The following NOTCH3 variants were observed in gnomAD, a reference collection of about 807,000 sequenced individuals.
NOTCH3 encodes neurogenic locus notch homolog protein 3.
A neutral mutation model predicts 213.3 loss-of-function variants in NOTCH3; 86 were observed. The observed-to-expected ratio is 0.40, with a 90% CI of 0.34 to 0.48. The LOEUF (loss-of-function observed/expected upper bound fraction) is 0.48. NOTCH3 is among the 20% of genes least tolerant of loss of function. The pLI is 0.57. For missense variants in NOTCH3, 2,783 were observed against 3,272.6 expected (o/e 0.85, Z 3.65); for synonymous variants, 1,354 against 1,355.9 (o/e 1.00, Z 0.03).
At position 15,186,941 on chromosome 19, in the gene NOTCH3, T is replaced by C. The variant is rs1297651218; in HGVS notation, c.1888A>G (p.Thr630Ala). ...ATGCCATCACGGCAGACTCCAAAGG[T>C]GCAGGGGTTGCTGGCACAGTCGTCA... ...NIDDCASNPCTFGVCRDGINR... is the reference protein window; with the variant it reads ...NIDDCASNPCAFGVCRDGINR... Residue 630 changes from threonine (T) to alanine (A), a missense_variant, in exon 12 of 33, where the codon ACC (threonine) becomes GCC (alanine). Coordinates refer to ENST00000263388, the MANE Select transcript of NOTCH3 (RefSeq NM_000435.3). 1.2e-6 allele frequency: 2 copies of C among 1,613,972 alleles called. No individual in the cohort carries two copies. The highest frequency in any genetic ancestry group is 2.7e-5 in the African/African-American group (2 of 74,874).
chr19:15,178,148 G>T, intron 23 of NOTCH3, 58 bp from the exon 24 acceptor site: 1 of 1,108,164 alleles, frequency 9.0e-7, no homozygotes, highest in Non-Finnish European at 1.3e-6. Flanking sequence ...TGGAGGGAAG[G>T]AGGAGAAGAA....
At chr19:15,197,711 G>GT in intron 1 of NOTCH3, 133 bp from the exon 2 acceptor site, 1 of 607,224 alleles carries the variant, frequency 1.6e-6, no homozygotes, top group Non-Finnish European at 2.8e-6. Flanking sequence ...GGTGCAGGGA[G>GT]TCCCCCCATC....
intron 5 of NOTCH3, 37 bp downstream of exon 5, chr19:15,191,708 G>T (rs368168586): frequency 1.9e-4 from 314 of 1,613,478 alleles, no homozygotes; most frequent in Non-Finnish European, 2.6e-4. Flanking sequence ...GTCCACCCGA[G>T]GCCTGCCTCC....
intron 25 of NOTCH3, among the ~76,000 whole-genome samples, chr19:15,172,059 A>G (rs1166927842): frequency 6.6e-6 from 1 of 151,936 alleles, no homozygotes. Flanking sequence ...ACCACGCCCC[A>G]GTAATTTTGT....
chr19:15,182,933 C>A (rs62113817), intron 16 of NOTCH3, among the ~76,000 whole-genome samples: 1 of 151,884 alleles, frequency 6.6e-6, no homozygotes, highest in East Asian at 1.9e-4. Flanking sequence ...TGAGCCACTG[C>A]GCCCAGCCGA....
chr19:15,167,328 G>T lies in NOTCH3; in HGVS notation c.5283C>A (p.Arg1761=). The T allele has an allele frequency of 6.2e-7, 1 of 1,613,182 alleles. No homozygotes were observed. Reference sequence around the variant, plus strand: ...GTGTCAGTGCCATGGCTGGTGCCACGCGGATGTCAGCAGCAACCAGATGGT... The same window carrying T: ...GTGTCAGTGCCATGGCTGGTGCCACTCGGATGTCAGCAGCAACCAGATGGT... The part of the protein sequence containing the change: ...TQHHLVAADI[R]VAPAMALTPP... The change falls in exon 29 of 33, where the codon CGC becomes CGA. Residue 1761 remains arginine (R), a synonymous_variant. Transcript: ENST00000263388.
At position 15,185,345 on chromosome 19, in the gene NOTCH3, G is replaced by C. The variant is rs538348817; in HGVS notation, c.2208C>G (p.Asp736Glu). 2 of 1,612,560 alleles carry C rather than the reference G, an allele frequency of 1.2e-6. No individual in the cohort carries two copies. Among genetic ancestry groups the C allele is most frequent in the Admixed American group, 1.7e-5 (1 of 59,958 alleles). Reference protein sequence around the residue: ...GPRCSQSLARDACESQPCRAG... With the variant: ...GPRCSQSLAREACESQPCRAG... ...CCCTGCACGGCTGGGACTCACAGGC[G>C]TCTCGGGCCAGGCTCTGGCTGCAGC... Residue 736 changes from aspartate to glutamate, a missense_variant, in exon 14 of 33, where the codon GAC becomes GAG. Around this residue, in one of 6 missense-constraint regions of NOTCH3, gnomAD observed 861 missense variants for 909.1 expected, o/e 0.95. Coordinates refer to ENST00000263388, the MANE Select transcript of NOTCH3 (RefSeq NM_000435.3). The surrounding 1 kb of genome is among the most constrained non-coding windows in gnomAD (Gnocchi z 4.2).
rs1456247012 is a variant in NOTCH3, at chr19:15,200,804, C to T, written c.102G>A (p.Ala34=). Residue 34 remains alanine, a synonymous_variant, in exon 1 of 33, where the codon GCG becomes GCA. Transcript: ENST00000263388. ...GCCCCTCACCTGCAGCCCCCGGCCCCGCTAGCAGCAGCAGCAGGGGCAGCG... is the reference window on the plus strand; with the variant it reads ...GCCCCTCACCTGCAGCCCCCGGCCCTGCTAGCAGCAGCAGCAGGGGCAGCG... ...VRALPLLLLL[A]GPGAAAPPCL... is the part of the protein sequence containing the mutation. The T allele has an allele frequency of 1.6e-6, 2 of 1,272,942 alleles. No homozygotes were observed. Among genetic ancestry groups the T allele is most frequent in the South Asian group, 2.8e-5 (1 of 35,496 alleles). 78.9% of individuals were successfully genotyped at this position (1,272,942 alleles called of 1,614,324 possible). A position where few individuals can be genotyped will look rare whatever the true frequency, so the allele number is the denominator to read the frequency against.
At chr19:15,194,036 C>T (rs1002184075) in intron 2 of NOTCH3, among the ~76,000 whole-genome samples, 12 of 150,730 alleles carry the variant, frequency 8.0e-5, no homozygotes, top group Non-Finnish European at 1.2e-4. Context: ...AAGCCGAGAT[C>T]GTGCCACTGC....
intron 2 of NOTCH3, among the ~76,000 whole-genome samples, chr19:15,193,025 C>G (rs1048102469): frequency 1.3e-5 from 2 of 152,120 alleles, no homozygotes; most frequent in African/African-American, 4.8e-5. Flanking sequence ...TGAAAGGGGT[C>G]CCTATCCCTC....
At chr19:15,187,395 A>G in intron 10 of NOTCH3, 57 bp from the exon 11 acceptor site, 1 of 1,507,776 alleles carries the variant, frequency 6.6e-7, no homozygotes. Flanking sequence ...CCCACAAGTG[A>G]GGCCTCGGAC....
At chr19:15,190,092 T>C (rs2046915921) in intron 6 of NOTCH3, among the ~76,000 whole-genome samples, 1 of 151,072 alleles carries the variant, frequency 6.6e-6, no homozygotes, top group Non-Finnish European at 1.5e-5. Flanking sequence ...CTGGGCAATA[T>C]AGTGAGACCC....
chr19:15,181,289 C>A, intron 17 of NOTCH3, 127 bp from the exon 18 acceptor site: 1 of 883,684 alleles, frequency 1.1e-6, no homozygotes, highest in South Asian at 1.5e-5. Flanking sequence ...CAAGAAGCTG[C>A]AGCCCCAGCA....
Position 15,162,552 on chromosome 19 carries a change from G to A in NOTCH3, c.5826C>T (p.Ala1942=). The A allele has an allele frequency of 6.2e-7, 1 of 1,613,932 alleles. No individual in the cohort carries two copies. Among genetic ancestry groups the A allele is most frequent in the East Asian group, 2.2e-5 (1 of 44,864 alleles). ...VNAVDELGKS[A]LHWAAAVNNV... The stretch of plus-strand genomic sequence containing the variant: ...TGTTCACAGCCGCAGCCCAGTGTAA[G>A]GCTGATTTCCCTGGAGGATGAAGGG... Residue 1942 remains alanine (A), a synonymous_variant, in exon 32 of 33, where the codon GCC becomes GCT. Transcript: ENST00000263388.
chr19:15,187,283 G>A lies in NOTCH3; in HGVS notation c.1662C>T (p.Cys554=), dbSNP rs772251287. 7 of 1,614,070 alleles carry A rather than the reference G, an allele frequency of 4.3e-6. No homozygotes were observed. In the South Asian group the frequency reaches 7.7e-5, roughly 18 times the overall value. Residue 554 remains cysteine (C), a synonymous_variant, in exon 11 of 33, where the codon TGC becomes TGT. Coordinates refer to ENST00000263388, the MANE Select transcript of NOTCH3 (RefSeq NM_000435.3). ...TGCCATCCACGCAGCGACCATGGTG[G>A]CATGGGTCAGGGGAGCAGTCGTCCA... ...RNVDDCSPDP[C]HHGRCVDGIA... is the part of the protein sequence containing the mutation.
rs748038251 is a variant in NOTCH3, at chr19:15,161,032, C to T, written c.6596G>A (p.Gly2199Glu). 1.3e-6 allele frequency: 2 copies of T among 1,539,330 alleles called. No individual in the cohort carries two copies. Among genetic ancestry groups the T allele is most frequent in the Non-Finnish European group, 8.7e-7 (1 of 1,144,452 alleles). Residue 2199 changes from glycine (G) to glutamate (E), a missense_variant, in exon 33 of 33, where the codon GGG (glycine) becomes GAG (glutamate). This residue lies in a region of NOTCH3 where 441 missense variants were observed against 432.1 expected (regional missense o/e 1.02). Transcript: ENST00000263388. ...LAPGPQLLNP[G>E]TPVSPQERPP... ...CCGCTCCTGCGGGGAGACGGGGGTC[C>T]CTGGGTTGAGCAGCTGGGGTCCCGG...
rs2145381367 is a variant in NOTCH3 at position 15,161,177 on chromosome 19, G to A, written c.6451C>T (p.Gln2151Ter). The change falls in exon 33 of 33, where the codon CAG (glutamine) becomes TAG (stop). Residue 2151 changes from glutamine to a stop codon, truncating the protein, a stop_gained. Coordinates refer to ENST00000263388, the MANE Select transcript of NOTCH3 (RefSeq NM_000435.3). LOFTEE classifies it low-confidence loss of function (END_TRUNC). ...CTGAGTACACATCCTCCAGGGGGCTGGCGCCCTAGACCCGCCCGGCCTGGG... is the reference window on the plus strand; with the variant it reads ...CTGAGTACACATCCTCCAGGGGGCTAGCGCCCTAGACCCGCCCGGCCTGGG... ...GGPGRAGLGR[Q>*]PPGGCVLSLG... 6.5e-7 allele frequency: 1 copy of A among 1,539,418 alleles called. No homozygotes were observed. The highest frequency in any genetic ancestry group is 8.7e-7 in the Non-Finnish European group (1 of 1,148,760).
At position 15,161,288 on chromosome 19, in the gene NOTCH3, G is replaced by C; in HGVS notation, c.6340C>G (p.Pro2114Ala). The part of the protein sequence containing the change: ...SLDSPRPFGG[P>A]PASPGGFPLE... Reference sequence around the variant, plus strand: ...GGGAAGCCACCAGGGGAAGCAGGGGGCCCACCGAAAGGCCGCGGGGAGTCC... The same window carrying C: ...GGGAAGCCACCAGGGGAAGCAGGGGCCCCACCGAAAGGCCGCGGGGAGTCC... Residue 2114 changes from proline to alanine, a missense_variant, in exon 33 of 33, where the codon CCC becomes GCC. By Grantham distance (27) the Pro-to-Ala change is conservative (BLOSUM62 -1). Transcript: ENST00000263388. 6.5e-7 allele frequency: 1 copy of C among 1,536,630 alleles called. No individual in the cohort carries two copies. The highest frequency in any genetic ancestry group is 8.7e-7 in the Non-Finnish European group (1 of 1,144,240).
rs571754485 is a variant in NOTCH3 at position 15,193,604 on chromosome 19, A to C, written c.198-1085T>G. On this transcript the variant is annotated intron_variant, in intron 2 of 32. Transcript: ENST00000263388. The stretch of plus-strand genomic sequence containing the variant: ...CAACATAGGGAGACTTTTTTTCCAC[A>C]AAAAAAAATTAAAAATTATAACCGG... Among the ~76,000 whole-genome samples, 5 of 150,524 alleles carry C rather than the reference A, an allele frequency of 3.3e-5. No individual in the cohort carries two copies. In the South Asian group the frequency reaches 1.1e-3, roughly 32 times the overall value.
Sources: gnomAD v4.1 joint callset for allele counts (sites outside exome capture counted in the v4.1 genomes callset) on GRCh38, gnomAD v4.1.1 for gene constraint, gnomAD v4.1.1 regional missense constraint, Gnocchi (gnomAD v3.1) non-coding constraint, MANE v1.5 for transcripts, NCBI Gene and HGNC (gene_info 2026-07-23, HGNC 2026-07-21) for gene names.